Variants in PREX2 observed in about 807,000 individuals in gnomAD.
PREX2 encodes the protein phosphatidylinositol 3,4,5-trisphosphate-dependent Rac exchanger 2 protein.
PREX2 carries 107 observed loss-of-function variants against 203.2 expected under a neutral mutation model. The ratio of observed to expected loss-of-function variants is 0.53; its 90% CI spans 0.45 to 0.62. The LOEUF (loss-of-function observed/expected upper bound fraction) is 0.62, where lower values mean the gene tolerates loss of function less well. Ranked by LOEUF, PREX2 falls within the 20% of genes least tolerant of loss-of-function variation. The probability of loss-of-function intolerance (pLI) is 0.00; values close to 1 mark genes in which losing one functional copy is unlikely to be tolerated. For synonymous variants in PREX2, 672 were observed against 663.6 expected (o/e 1.01, Z -0.19); for missense variants, 1,777 against 1,955.9 (o/e 0.91, Z 1.72).
intron 10 of PREX2, among the ~76,000 whole-genome samples, chr8:68,056,717 C>G (rs1808689852): frequency 1.3e-5 from 2 of 152,144 alleles, no homozygotes; most frequent in Non-Finnish European, 2.9e-5. Flanking sequence ...TTTAAAGATA[C>G]AGAAACTCTG....
intron 11 of PREX2, among the ~76,000 whole-genome samples, chr8:68,067,946 T>G (rs1027967568): frequency 1.3e-5 from 2 of 152,094 alleles, no homozygotes; most frequent in Non-Finnish European, 2.9e-5. Flanking sequence ...TGACTAATGC[T>G]TTTTCTGCTT....
chr8:68,175,875 TATAAA>T (rs1295425045), intron 35 of PREX2, among the ~76,000 whole-genome samples: 1 of 151,982 alleles, frequency 6.6e-6, no homozygotes, highest in Non-Finnish European at 1.5e-5. Flanking sequence ...TATCTTTAAA[TATAAA>T]ATGTTTTAAT....
At chr8:68,066,342 CA>C (rs1809015316) in intron 11 of PREX2, among the ~76,000 whole-genome samples, 2 of 152,096 alleles carry the variant, frequency 1.3e-5, no homozygotes, top group African/African-American at 4.8e-5. Flanking sequence ...TCTCCACCAA[CA>C]GTGTACAAGG....
chr8:67,963,939 A>G (rs903936264), intron 1 of PREX2, among the ~76,000 whole-genome samples: 5 of 152,170 alleles, frequency 3.3e-5, no homozygotes, highest in African/African-American at 1.2e-4. Context: ...ACATCAGGTT[A>G]TTCAGAGACT....
chr8:68,017,025 A>G (rs1299264223), intron 1 of PREX2, among the ~76,000 whole-genome samples: 1 of 152,174 alleles, frequency 6.6e-6, no homozygotes, highest in Non-Finnish European at 1.5e-5. Context: ...TGGTGTCTTG[A>G]GGACATAAAT....
chr8:68,182,762 T>TA (rs375543719), intron 35 of PREX2, among the ~76,000 whole-genome samples: 3 of 152,008 alleles, frequency 2.0e-5, no homozygotes, highest in African/African-American at 7.2e-5. Context: ...ATTGCAAATT[T>TA]AAAAAATGGG....
rs1428676809 is a variant in PREX2, at chr8:68,077,454, G to A, written c.1627G>A (p.Gly543Arg). Reference protein sequence around the residue: ...MIFGVGLCDNGFMHHVLEKSE... With the variant: ...MIFGVGLCDNRFMHHVLEKSE... Reference sequence around the variant, plus strand: ...ATTTGGCGTTGGACTCTGTGACAATGGATTTATGCACCATGGTAGGGATTT... The same window carrying A: ...ATTTGGCGTTGGACTCTGTGACAATAGATTTATGCACCATGGTAGGGATTT... The change falls in exon 15 of 40, where the codon GGA (glycine) becomes AGA (arginine). Residue 543 changes from glycine (G) to arginine (R), a missense_variant. Physicochemically the swap from Gly to Arg is moderately radical, Grantham distance 125. Coordinates refer to ENST00000288368, the MANE Select transcript of PREX2 (RefSeq NM_024870.4). 6.2e-7 allele frequency: 1 copy of A among 1,612,356 alleles called. No individual in the cohort carries two copies. Among genetic ancestry groups the A allele is most frequent in the Admixed American group, 1.7e-5 (1 of 60,008 alleles).
intron 4 of PREX2, among the ~76,000 whole-genome samples, chr8:68,025,124 T>C (rs1390167503): frequency 1.3e-5 from 2 of 152,052 alleles, no homozygotes; most frequent in East Asian, 1.9e-4. Flanking sequence ...GACTCTGATA[T>C]TAGGTTTTTC....
intron 23 of PREX2, among the ~76,000 whole-genome samples, chr8:68,101,577 C>CGG (rs1810264990): frequency 6.6e-6 from 1 of 152,196 alleles, no homozygotes; most frequent in Non-Finnish European, 1.5e-5. Flanking sequence ...CTCTATAAAA[C>CGG]ATGACCGTGC....
At chr8:67,999,607 A>G (rs1288832161) in intron 1 of PREX2, among the ~76,000 whole-genome samples, 4 of 152,002 alleles carry the variant, frequency 2.6e-5, no homozygotes, top group African/African-American at 9.7e-5. Flanking sequence ...CATTTACACA[A>G]CTCATTCTAT....
chr8:68,175,832 A>G (rs1299289332), intron 35 of PREX2, among the ~76,000 whole-genome samples: 1 of 151,974 alleles, frequency 6.6e-6, no homozygotes, highest in Non-Finnish European at 1.5e-5. Flanking sequence ...ATATATGGTA[A>G]CATATAATTT....
At chr8:68,187,967 A>G (rs773362374) in intron 35 of PREX2, among the ~76,000 whole-genome samples, 18 of 152,216 alleles carry the variant, frequency 1.2e-4, no homozygotes, top group Non-Finnish European at 2.6e-4. Flanking sequence ...CTAGGTGGAA[A>G]TCCAGAGCTA....
At chr8:67,957,330 G>A (rs1338715013) in intron 1 of PREX2, among the ~76,000 whole-genome samples, 1 of 152,144 alleles carries the variant, frequency 6.6e-6, no homozygotes, top group Non-Finnish European at 1.5e-5. Flanking sequence ...GCGCCTTGGA[G>A]TTTAAACAAT....
At position 67,975,694 on chromosome 8, in the gene PREX2, C is replaced by CTTTTTTTTTTTT. The variant is rs67614434; in HGVS notation, c.141+23175_141+23186dup. On this transcript the variant is annotated intron_variant, in intron 1 of 39. Coordinates refer to ENST00000288368, the MANE Select transcript of PREX2 (RefSeq NM_024870.4). ...TCAGGATAGTAACTGATTTCTCTTT[C>CTTTTTTTTTTTT]TTTTTTTTTTTTTTTTTTTTTTTTT... 3.9e-4 allele frequency among the ~76,000 whole-genome samples: 29 copies of CTTTTTTTTTTTT among 75,014 alleles called. 4 individuals are homozygous for CTTTTTTTTTTTT. Among genetic ancestry groups the CTTTTTTTTTTTT allele is most frequent in the African/African-American group, 1.5e-3 (25 of 16,858 alleles). 49.2% of individuals were successfully genotyped at this position (75,014 alleles called of 152,430 possible).
chr8:67,962,597 T>C (rs966779992), intron 1 of PREX2, among the ~76,000 whole-genome samples: 6 of 139,466 alleles, frequency 4.3e-5, no homozygotes, highest in African/African-American at 1.6e-4. Context: ...TTTGTATTTA[T>C]ATATTTTATT....
At chr8:67,959,272 A>G (rs1805568444) in intron 1 of PREX2, among the ~76,000 whole-genome samples, 2 of 152,154 alleles carry the variant, frequency 1.3e-5, no homozygotes, top group Admixed American at 1.3e-4. Context: ...TGAAGACTGA[A>G]GAGGTCGCTG....
intron 1 of PREX2, among the ~76,000 whole-genome samples, chr8:67,969,824 A>G (rs1194147258): frequency 6.6e-6 from 1 of 152,206 alleles, no homozygotes. Context: ...ACCGCTGTGT[A>G]AAAATGGGAA....
At chr8:68,129,913 T>G (rs1483073111) in intron 31 of PREX2, among the ~76,000 whole-genome samples, 1 of 151,546 alleles carries the variant, frequency 6.6e-6, no homozygotes, top group Non-Finnish European at 1.5e-5. Flanking sequence ...TCAAATTCTC[T>G]GTTTTTCTTC....
At chr8:68,160,634 T>C (rs754758734) in intron 35 of PREX2, among the ~76,000 whole-genome samples, 54 of 152,284 alleles carry the variant, frequency 3.5e-4, no homozygotes, top group Non-Finnish European at 6.8e-4. Context: ...GAATTTGAAA[T>C]GTGATTTGAG....
Sources: allele counts gnomAD v4.1 joint callset (sites outside exome capture counted in the v4.1 genomes callset), GRCh38; gene constraint gnomAD v4.1.1; transcripts MANE v1.5; gene names NCBI Gene and HGNC (gene_info 2026-07-23, HGNC 2026-07-21).